PCGF3: variants seen among roughly 807,000 people sequenced by gnomAD.
PCGF3 encodes polycomb group RING finger protein 3.
In PCGF3, 7 loss-of-function variants were observed where a neutral mutation model predicts 33.1. That is an observed-to-expected ratio of 0.21 (90% CI 0.12 to 0.40). The LOEUF (loss-of-function observed/expected upper bound fraction) is 0.40, where lower values mean the gene tolerates loss of function less well. PCGF3 is among the 10% of genes least tolerant of loss of function. The pLI is 1.00. For missense variants in PCGF3, 211 were observed against 313.3 expected, an observed-to-expected ratio of 0.67 and a Z score of 2.46; for synonymous variants, 153 against 121.3, an observed-to-expected ratio of 1.26 and a Z score of -1.72.
At position 721,892 on chromosome 4, in the gene PCGF3, G is replaced by A. The variant is rs1274366179; in HGVS notation, c.-189-8738G>A. Among the ~76,000 whole-genome samples the A allele has an allele frequency of 1.3e-5, 2 of 149,724 alleles. No homozygotes were observed. Among genetic ancestry groups the A allele is most frequent in the African/African-American group, 5.1e-5 (2 of 39,514 alleles). Reference sequence around the variant, plus strand: ...GACTGGTGGATGGGTGGCTCTGCGTGTGGGCGTGGAGAGAGGCCTGTGGGA... The same window carrying A: ...GACTGGTGGATGGGTGGCTCTGCGTATGGGCGTGGAGAGAGGCCTGTGGGA... On this transcript the variant is annotated intron_variant, in intron 1 of 10. Transcript: ENST00000362003. The surrounding 1 kb of genome is among the most constrained non-coding windows in gnomAD (Gnocchi z 4.1).
At chr4:728,389 C>T (rs895518370) in intron 1 of PCGF3, among the ~76,000 whole-genome samples, 11 of 150,920 alleles carry the variant, frequency 7.3e-5, no homozygotes, top group African/African-American at 1.5e-4. Flanking sequence ...TGTTAAGTGT[C>T]GTAAGTAATC....
intron 8 of PCGF3, among the ~76,000 whole-genome samples, chr4:753,081 C>T (rs745461992): frequency 5.9e-5 from 9 of 152,256 alleles, no homozygotes; most frequent in Non-Finnish European, 8.8e-5. Context: ...TGATGGCTCA[C>T]ACACCTGAGC....
exon 11 of PCGF3, chr4:766,087 C>T (rs746755148): frequency 6.2e-7 from 1 of 1,613,264 alleles, no homozygotes; most frequent in Admixed American, 1.7e-5. Flanking sequence ...TGAATGGTGC[C>T]ACACAGCGCC....
chr4:763,175 T>A (rs1328457489), intron 9 of PCGF3, among the ~76,000 whole-genome samples: 2 of 152,136 alleles, frequency 1.3e-5, no homozygotes, highest in Non-Finnish European at 2.9e-5. Flanking sequence ...GGCAACGCTT[T>A]TTGCTAAGTT....
At chr4:752,691 C>T (rs1034598983) in intron 8 of PCGF3, among the ~76,000 whole-genome samples, 9 of 152,266 alleles carry the variant, frequency 5.9e-5, no homozygotes, top group African/African-American at 1.7e-4. Flanking sequence ...ACATGGACTT[C>T]GACCCCTGTG....
rs961476333 is a variant in PCGF3 at position 721,127 on chromosome 4, C to T, written c.-189-9503C>T. On this transcript the variant is annotated intron_variant, in intron 1 of 10. Transcript: ENST00000362003. The surrounding 1 kb of genome is among the most constrained non-coding windows in gnomAD (Gnocchi z 4.1). ...TGGGGAGGGAACGCTGCTTGTCGGG[C>T]GGTGGTGACGATTTCATGGATGTTT... Among the ~76,000 whole-genome samples the T allele has an allele frequency of 5.3e-5, 8 of 151,774 alleles. No homozygotes were observed. The highest frequency in any genetic ancestry group is 1.9e-4 in the East Asian group (1 of 5,132).
At chr4:765,939 G>C in intron 10 of PCGF3, 93 bp from the exon 11 acceptor site, 1 of 1,120,270 alleles carries the variant, frequency 8.9e-7, no homozygotes, top group South Asian at 1.3e-5. Flanking sequence ...TGTGCCTCAC[G>C]GGACGTGATT....
chr4:764,858 C>T (rs992520913), intron 9 of PCGF3, 126 bp from the exon 10 acceptor site: 45 of 649,236 alleles, frequency 6.9e-5, no homozygotes, highest in Middle Eastern at 7.9e-4. Flanking sequence ...GCCCCCCCCA[C>T]CCCATCTCTA....
exon 11 of PCGF3, chr4:766,285 C>G (rs1029020566): frequency 6.5e-5 from 35 of 538,060 alleles, no homozygotes; most frequent in Non-Finnish European, 1.0e-4. Flanking sequence ...CACAGTCTCC[C>G]AGAGCCGATC....
intron 8 of PCGF3, among the ~76,000 whole-genome samples, chr4:748,607 TAGAGA>T (rs1744375158): frequency 6.6e-6 from 1 of 152,164 alleles, no homozygotes; most frequent in Non-Finnish European, 1.5e-5. Context: ...TGTGGGTCAG[TAGAGA>T]AGAGCGGCCA....
intron 8 of PCGF3, among the ~76,000 whole-genome samples, chr4:754,555 T>A (rs1365156836): frequency 6.6e-6 from 1 of 152,112 alleles, no homozygotes; most frequent in Non-Finnish European, 1.5e-5. Flanking sequence ...CAGGAGGTAG[T>A]GAGCTGGGAC....
intron 1 of PCGF3, among the ~76,000 whole-genome samples, chr4:724,670 C>A (rs907830414): frequency 1.3e-5 from 2 of 152,186 alleles, no homozygotes; most frequent in African/African-American, 4.8e-5. Context: ...ACTAAAAATA[C>A]AAAAAATTAG....
At position 737,530 on chromosome 4, in the gene PCGF3, C is replaced by T. The variant is rs983257521; in HGVS notation, c.262+9C>T. Reference sequence around the variant, plus strand: ...ACCAGGCCTCCAAGAAGGTGAGTGTCTGACTGTCTTGCTGATCCCTGAGGT... The same window carrying T: ...ACCAGGCCTCCAAGAAGGTGAGTGTTTGACTGTCTTGCTGATCCCTGAGGT... On this transcript the variant is annotated intron_variant, in intron 6 of 10. Coordinates refer to ENST00000362003, the Ensembl canonical transcript of PCGF3. The T allele has an allele frequency of 1.1e-5, 18 of 1,581,158 alleles. No homozygotes were observed. Among genetic ancestry groups the T allele is most frequent in the Admixed American group, 5.0e-5 (3 of 59,958 alleles).
chr4:717,443 G>A (rs1044721069), intron 1 of PCGF3, among the ~76,000 whole-genome samples: 1 of 152,160 alleles, frequency 6.6e-6, no homozygotes, highest in African/African-American at 2.4e-5. Flanking sequence ...GCAGTGGCAG[G>A]GTCTCGGCTC....
At chr4:760,739 C>T (rs560569423) in intron 8 of PCGF3, among the ~76,000 whole-genome samples, 54 of 152,380 alleles carry the variant, frequency 3.5e-4, no homozygotes, top group Non-Finnish European at 7.1e-4. Context: ...TTCCTTTTCG[C>T]ACCGGGCAGG....
chr4:743,578 C>A (rs201626789), exon 7 of PCGF3: 3 of 1,593,158 alleles, frequency 1.9e-6, no homozygotes, highest in Non-Finnish European at 2.6e-6. Context: ...AGATTCCCAT[C>A]GGAATGGTGA....
intron 1 of PCGF3, among the ~76,000 whole-genome samples, chr4:718,578 C>T (rs964304073): frequency 1.3e-5 from 2 of 152,226 alleles, no homozygotes. Flanking sequence ...CAGCCCTGTC[C>T]GTGTGAGTGC....
chr4:722,880 C>T (rs1247709435), intron 1 of PCGF3, among the ~76,000 whole-genome samples: 4 of 109,586 alleles, frequency 3.7e-5, no homozygotes, highest in Non-Finnish European at 7.3e-5. Context: ...GGTCCACACT[C>T]GCGTCATCGC....
In PCGF3 at chr4:766,230, A is replaced by G. The variant is rs143923954; in HGVS notation, c.*151A>G. The stretch of plus-strand genomic sequence containing the variant: ...TTTGTATGAGAGAGAATTCACACTC[A>G]ACAAGACACTACCAGCACCACGTTT... On this transcript the variant is annotated 3_prime_UTR_variant, in exon 11 of 11. Transcript: ENST00000362003. The G allele has an allele frequency of 2.1e-3, 1,291 of 627,748 alleles. 8 individuals are homozygous for G. In the African/African-American group the frequency reaches 0.021, roughly 10 times the overall value. 38.9% of individuals were successfully genotyped at this position (627,748 alleles called of 1,614,324 possible).
Sources: allele counts gnomAD v4.1 joint callset (sites outside exome capture counted in the v4.1 genomes callset), GRCh38; gene constraint gnomAD v4.1.1; non-coding constraint Gnocchi (gnomAD v3.1); transcripts MANE v1.5; gene names NCBI Gene and HGNC (gene_info 2026-07-23, HGNC 2026-07-21).